Variants in SLIT1 observed in about 807,000 individuals in gnomAD.
SLIT1 encodes the protein slit homolog 1 protein.
In SLIT1, 66 loss-of-function variants were observed where a neutral mutation model predicts 186.1. That is an observed-to-expected ratio of 0.35 (90% confidence interval 0.29 to 0.44). SLIT1 has a LOEUF of 0.44. SLIT1 is among the 20% of genes least tolerant of loss of function. The pLI is 1.00. For synonymous variants in SLIT1, 761 were observed against 833.8 expected (o/e 0.91, Z 1.50); for missense variants, 1,638 against 2,037.4 (o/e 0.80, Z 3.77).
chr10:96,998,249 G>GACTT lies in SLIT1; in HGVS notation c.*2859_*2862dup, dbSNP rs1456784842. ...AAGGCAAAACAAGACGCTGGATGTTGACTTTAACATATAAAAATACTGTAA... is the reference window on the plus strand; with the variant it reads ...AAGGCAAAACAAGACGCTGGATGTTGACTTACTTTAACATATAAAAATACTGTAA... On this transcript the variant is annotated 3_prime_UTR_variant, in exon 37 of 37. Coordinates refer to ENST00000266058, the MANE Select transcript of SLIT1 (RefSeq NM_003061.3). 1.3e-5 allele frequency: 2 copies of GACTT among 152,212 alleles called. No homozygotes were observed. The highest frequency in any genetic ancestry group is 4.8e-5 in the African/African-American group (2 of 41,454). The allele number at this position is 152,212 out of a possible 1,614,324, so 9.4% of individuals were successfully genotyped here. A position where few individuals can be genotyped will look rare whatever the true frequency, so the allele number is the denominator to read the frequency against.
chr10:97,181,002 C>T (rs987994911), intron 1 of SLIT1, among the ~76,000 whole-genome samples: 11 of 152,228 alleles, frequency 7.2e-5, no homozygotes, highest in African/African-American at 2.4e-4. Context: ...CGAACACCAG[C>T]CACTTACCAA....
intron 3 of SLIT1, among the ~76,000 whole-genome samples, chr10:97,162,435 C>A (rs2134725323): frequency 6.6e-6 from 1 of 152,208 alleles, no homozygotes; most frequent in South Asian, 2.1e-4. Context: ...CATGGTGAAA[C>A]CCCATCTCCA....
intron 5 of SLIT1, 151 bp downstream of exon 5, chr10:97,065,864 C>G: frequency 1.6e-6 from 1 of 631,518 alleles, no homozygotes; most frequent in Non-Finnish European, 2.9e-6. Flanking sequence ...CCAGACTATT[C>G]CAGAAGACCA....
rs542380422 is a variant in SLIT1, at chr10:97,057,105, A to G, written c.1157+105T>C. 16 of 823,638 alleles carry G rather than the reference A, an allele frequency of 1.9e-5. No individual in the cohort carries two copies. In the South Asian group the frequency reaches 2.0e-4, roughly 10 times the overall value. 51.0% of individuals were successfully genotyped at this position (823,638 alleles called of 1,614,324 possible). A position where few individuals can be genotyped will look rare whatever the true frequency, so the allele number is the denominator to read the frequency against. The stretch of plus-strand genomic sequence containing the variant: ...CCTGTCTTCCAAGCTCATTGTCTCA[A>G]TTGAGTCCCATACCCAAGAGAGGCC... On this transcript the variant is annotated intron_variant, in intron 12 of 36. Coordinates refer to ENST00000266058, the MANE Select transcript of SLIT1 (RefSeq NM_003061.3).
Position 97,001,336 on chromosome 10 carries a change from C to T in SLIT1, c.4381G>A (p.Gly1461Arg). The change falls in exon 37 of 37, where the codon GGG becomes AGG. Residue 1461 changes from glycine to arginine, a missense_variant. Gly to Arg is a moderately radical substitution (Grantham distance 125). Coordinates refer to ENST00000266058, the MANE Select transcript of SLIT1 (RefSeq NM_003061.3). ...ELCEQESECRGDPVRDFHQVQ... is the reference protein window; with the variant it reads ...ELCEQESECRRDPVRDFHQVQ... Reference sequence around the variant, plus strand: ...TGGTGAAAGTCCCGGACAGGGTCCCCCCGGCACTCGGACTCTGGATGGGAC... The same window carrying T: ...TGGTGAAAGTCCCGGACAGGGTCCCTCCGGCACTCGGACTCTGGATGGGAC... The T allele has an allele frequency of 6.2e-7, 1 of 1,612,572 alleles. No homozygotes were observed. The highest frequency in any genetic ancestry group is 8.5e-7 in the Non-Finnish European group (1 of 1,179,622).
At chr10:97,014,341 A>T (rs1848436444) in intron 28 of SLIT1, among the ~76,000 whole-genome samples, 183 bp from the exon 29 acceptor site, 1 of 152,172 alleles carries the variant, frequency 6.6e-6, no homozygotes, top group African/African-American at 2.4e-5. Flanking sequence ...ATTCACTCAC[A>T]GTCTAGTGGG....
rs1848269046 is a variant in SLIT1 at position 96,998,501 on chromosome 10, G to A, written c.*2611C>T. 1 of 152,224 alleles carries A rather than the reference G, an allele frequency of 6.6e-6. No individual in the cohort carries two copies. The highest frequency in any genetic ancestry group is 6.5e-5 in the Admixed American group (1 of 15,288). The allele number at this position is 152,224 out of a possible 1,614,324, so 9.4% of individuals were successfully genotyped here. ...CATGCCTAAAATGCAGAGCGAACTA[G>A]GGGTCTTCACAAAGGGGGACAAGAT... On this transcript the variant is annotated 3_prime_UTR_variant, in exon 37 of 37. Transcript: ENST00000266058.
chr10:97,077,792 G>A (rs916488129), intron 4 of SLIT1, among the ~76,000 whole-genome samples: 2 of 152,144 alleles, frequency 1.3e-5, no homozygotes, highest in Non-Finnish European at 2.9e-5. Context: ...GCTCTGTGAG[G>A]TCTGGAGATT....
intron 18 of SLIT1, among the ~76,000 whole-genome samples, chr10:97,045,746 TTGC>T (rs1017623620): frequency 1.3e-5 from 2 of 152,210 alleles, no homozygotes. Flanking sequence ...ATAATAAAAT[TTGC>T]TTTTTGTAAA....
intron 4 of SLIT1, among the ~76,000 whole-genome samples, chr10:97,141,356 T>C (rs141968119): frequency 3.9e-4 from 59 of 152,240 alleles, no homozygotes; most frequent in African/African-American, 1.4e-3. Flanking sequence ...ACTCTCAGGG[T>C]TCCTCTACAT....
chr10:97,041,001 T>G (rs899393332), intron 20 of SLIT1, among the ~76,000 whole-genome samples: 7 of 152,170 alleles, frequency 4.6e-5, no homozygotes, highest in Non-Finnish European at 7.4e-5. Context: ...GTGTTACTAT[T>G]AGCCCATTGG....
chr10:97,038,712 C>T (rs919031339), intron 21 of SLIT1, among the ~76,000 whole-genome samples: 1 of 152,158 alleles, frequency 6.6e-6, no homozygotes. Flanking sequence ...AGCTCTCCCC[C>T]ACTTCCCAAA....
chr10:97,052,083 T>C (rs908726212), intron 13 of SLIT1, among the ~76,000 whole-genome samples: 1 of 147,598 alleles, frequency 6.8e-6, no homozygotes, highest in Non-Finnish European at 1.5e-5. Flanking sequence ...GCATATTGTA[T>C]GATTCGGTTT....
rs1273034048 is a variant in SLIT1 at position 97,184,656 on chromosome 10, C to G, written c.197+822G>C. ...AAAGGATCAAGTTTCCTCAAGAATT[C>G]ACAAGTGAGACAGAACAGGGGAAGA... On this transcript the variant is annotated intron_variant, in intron 1 of 36. Transcript: ENST00000266058. The surrounding 1 kb of genome is among the most constrained non-coding windows in gnomAD (Gnocchi z 4.4). Among the ~76,000 whole-genome samples the G allele has an allele frequency of 2.0e-5, 3 of 152,214 alleles. No homozygotes were observed. Among genetic ancestry groups the G allele is most frequent in the Non-Finnish European group, 4.4e-5 (3 of 68,036 alleles).
intron 23 of SLIT1, among the ~76,000 whole-genome samples, chr10:97,032,531 TGCACTCCA>T (rs1848600528): frequency 6.7e-6 from 1 of 150,000 alleles, no homozygotes; most frequent in African/African-American, 2.5e-5. Context: ...ATCGCGCCAC[TGCACTCCA>T]GCCTGGGCGA....
intron 4 of SLIT1, among the ~76,000 whole-genome samples, chr10:97,142,931 T>C (rs1027549614): frequency 1.3e-5 from 2 of 152,086 alleles, no homozygotes; most frequent in Non-Finnish European, 2.9e-5. Flanking sequence ...AAAACCATGA[T>C]GACATATCAC....
rs979175606 is a variant in SLIT1, at chr10:97,140,315, C to G, written c.413+17503G>C. 2.6e-5 allele frequency among the ~76,000 whole-genome samples: 4 copies of G among 152,168 alleles called. No individual in the cohort carries two copies. In the East Asian group the frequency reaches 7.7e-4, roughly 29 times the overall value. On this transcript the variant is annotated intron_variant, in intron 4 of 36. Coordinates refer to ENST00000266058, the MANE Select transcript of SLIT1 (RefSeq NM_003061.3). ...CAGCCCACACTGCCTCTTTGTTACC[C>G]TGCAGCTCTCAGGCCGGCCCCTCCC...
At chr10:97,147,580 C>A (rs1849831899) in intron 4 of SLIT1, among the ~76,000 whole-genome samples, 1 of 151,034 alleles carries the variant, frequency 6.6e-6, no homozygotes, top group East Asian at 2.0e-4. Flanking sequence ...CCAGGTGAGG[C>A]AGAGGTGGCC....
intron 4 of SLIT1, among the ~76,000 whole-genome samples, chr10:97,095,295 A>G (rs1849276276): frequency 6.6e-6 from 1 of 152,188 alleles, no homozygotes; most frequent in Non-Finnish European, 1.5e-5. Flanking sequence ...AAACAAAAAA[A>G]AGAGAGAGAA....
Sources: allele counts gnomAD v4.1 joint callset (sites outside exome capture counted in the v4.1 genomes callset), GRCh38; gene constraint gnomAD v4.1.1; non-coding constraint Gnocchi (gnomAD v3.1); transcripts MANE v1.5; gene names NCBI Gene and HGNC (gene_info 2026-07-23, HGNC 2026-07-21).